The following CDKN2B-AS1 variants were observed in gnomAD, a reference collection of about 807,000 sequenced individuals.
CDKN2B-AS1 encodes CDKN2B and CDKN2A antisense cis and trans regulatory RNA 1.
intron 1 of CDKN2B-AS1, among the ~76,000 whole-genome samples, chr9:22,013,875 T>G (rs973488410): frequency 1.3e-5 from 2 of 152,196 alleles, no homozygotes; most frequent in Non-Finnish European, 2.9e-5. Context: ...GAATGCTTCT[T>G]TATAATGACA....
intron 1 of CDKN2B-AS1, among the ~76,000 whole-genome samples, chr9:22,011,784 C>T (rs1217793914): frequency 1.3e-5 from 2 of 152,174 alleles, no homozygotes; most frequent in African/African-American, 2.4e-5. Flanking sequence ...CTCCTTGAAA[C>T]CCAGCTGTCT....
intron 1 of CDKN2B-AS1, among the ~76,000 whole-genome samples, chr9:22,038,779 T>C (rs1822789424): frequency 6.6e-6 from 1 of 152,066 alleles, no homozygotes; most frequent in South Asian, 2.1e-4. Flanking sequence ...AAATCCATTA[T>C]TTGGTAAAGA....
chr9:22,028,976 G>A (rs1215566183), intron 1 of CDKN2B-AS1, among the ~76,000 whole-genome samples: 1 of 151,850 alleles, frequency 6.6e-6, no homozygotes, highest in African/African-American at 2.4e-5. Flanking sequence ...TTTTGAAAAT[G>A]AACTTGTTTC....
chr9:22,076,576 T>A (rs1824500923), intron 4 of CDKN2B-AS1, among the ~76,000 whole-genome samples: 1 of 152,146 alleles, frequency 6.6e-6, no homozygotes, highest in Non-Finnish European at 1.5e-5. Context: ...AATTAACATC[T>A]CCATCATCTC....
In CDKN2B-AS1 at chr9:22,012,523, C is replaced by T. The variant is rs1274382889; in HGVS notation, n.29+17362C>T. The T allele has an allele frequency of 6.8e-5, 43 of 636,534 alleles. No homozygotes were observed. The East Asian group carries it at 1.4e-3, about 21-fold the overall frequency. The allele number at this position is 636,534 out of a possible 1,614,324, so 39.4% of individuals were successfully genotyped here. A position where few individuals can be genotyped will look rare whatever the true frequency, so the allele number is the denominator to read the frequency against. On this transcript the variant is annotated intron_variant and non_coding_transcript_variant, in intron 1 of 4. Coordinates refer to ENST00000650946, the Ensembl canonical transcript of CDKN2B-AS1. ...GTGGCCACACCAACAACCTGCACCC[C>T]AAGAAGGTCAAATAAGGCTCTTCCT...
At chr9:22,060,196 C>G (rs1031413109) in intron 4 of CDKN2B-AS1, among the ~76,000 whole-genome samples, 4 of 152,204 alleles carry the variant, frequency 2.6e-5, no homozygotes, top group African/African-American at 9.6e-5. Flanking sequence ...CATAGTCAGG[C>G]TGCAAATTTT....
intron 1 of CDKN2B-AS1, among the ~76,000 whole-genome samples, chr9:22,013,037 T>C (rs545414085): frequency 6.6e-6 from 1 of 152,342 alleles, no homozygotes; most frequent in African/African-American, 2.4e-5. Context: ...CTGAGGCTTC[T>C]CTTCTTGACT....
At chr9:22,073,369 A>G (rs1824372118) in intron 4 of CDKN2B-AS1, among the ~76,000 whole-genome samples, 1 of 152,168 alleles carries the variant, frequency 6.6e-6, no homozygotes, top group Non-Finnish European at 1.5e-5. Flanking sequence ...AATATTTCTA[A>G]AAGCACTGTG....
chr9:22,051,566 C>A (rs1823347744), intron 3 of CDKN2B-AS1, among the ~76,000 whole-genome samples: 2 of 152,114 alleles, frequency 1.3e-5, no homozygotes, highest in Non-Finnish European at 2.9e-5. Flanking sequence ...TACAATGTTT[C>A]TTAAAACTAA....
In CDKN2B-AS1 at chr9:22,005,112, ATGTGTGTGTGTG is replaced by A. The variant is rs3028393; in HGVS notation, n.29+9970_29+9981del. 2.5e-4 allele frequency: 56 copies of A among 225,486 alleles called. No homozygotes were observed. The Middle Eastern group carries it at 7.8e-3, about 31-fold the overall frequency. The allele number at this position is 225,486 out of a possible 1,614,324, so 14.0% of individuals were successfully genotyped here. A position where few individuals can be genotyped will look rare whatever the true frequency, so the allele number is the denominator to read the frequency against. ...CATAAGGGGATTTCCGCATCCTAGC[ATGTGTGTGTGTG>A]TGTGTGTGTGTGTGTGTGAAAGAAA... On this transcript the variant is annotated intron_variant and non_coding_transcript_variant, in intron 1 of 4. Coordinates refer to ENST00000650946, the Ensembl canonical transcript of CDKN2B-AS1. This position sits in a 1 kb window ranked among gnomAD's most constrained non-coding sequence, Gnocchi z 4.9.
chr9:22,061,645 G>A (rs528030277), intron 4 of CDKN2B-AS1, among the ~76,000 whole-genome samples: 39 of 152,164 alleles, frequency 2.6e-4, no homozygotes, highest in African/African-American at 9.4e-4. Flanking sequence ...TTTGGAAACA[G>A]GAATTAATAC....
chr9:22,017,720 G>T (rs1428553787), intron 1 of CDKN2B-AS1, among the ~76,000 whole-genome samples: 2 of 151,600 alleles, frequency 1.3e-5, no homozygotes, highest in Non-Finnish European at 2.9e-5. Context: ...AATGAATTCT[G>T]CCAAGGTATT....
chr9:22,063,345 T>C (rs544163022), intron 4 of CDKN2B-AS1, among the ~76,000 whole-genome samples: 2 of 152,250 alleles, frequency 1.3e-5, no homozygotes, highest in South Asian at 4.1e-4. Flanking sequence ...AGACACCAAT[T>C]TTTTAATGAA....
chr9:22,075,439 T>C (rs1194394021), intron 4 of CDKN2B-AS1, among the ~76,000 whole-genome samples: 1 of 152,170 alleles, frequency 6.6e-6, no homozygotes, highest in Non-Finnish European at 1.5e-5. Context: ...GATTGGGATG[T>C]AGGAAGGTTT....
At chr9:22,027,855 T>C (rs1822305100) in intron 1 of CDKN2B-AS1, among the ~76,000 whole-genome samples, 1 of 152,004 alleles carries the variant, frequency 6.6e-6, no homozygotes, top group Non-Finnish European at 1.5e-5. Context: ...TGAAATAAAT[T>C]GAAAAAGAAA....
intron 4 of CDKN2B-AS1, among the ~76,000 whole-genome samples, chr9:22,057,531 A>C (rs77728904): frequency 0.076 from 11,558 of 152,270 alleles, 439 homozygotes; most frequent in Middle Eastern, 0.12. Context: ...AGTATTGGCC[A>C]GGTGTGGTGG....
At chr9:22,092,116 G>T (rs890312811) in intron 4 of CDKN2B-AS1, among the ~76,000 whole-genome samples, 11 of 152,078 alleles carry the variant, frequency 7.2e-5, no homozygotes, top group Non-Finnish European at 1.6e-4. Flanking sequence ...TTATATGCTG[G>T]ATTATGTTTA....
chr9:22,089,685 A>G (rs1587515379), intron 4 of CDKN2B-AS1, among the ~76,000 whole-genome samples: 1 of 152,002 alleles, frequency 6.6e-6, no homozygotes, highest in South Asian at 2.1e-4. Context: ...CCTGGGCTCA[A>G]GTGATCCTCC....
At chr9:22,084,161 C>A (rs1734488049) in intron 4 of CDKN2B-AS1, among the ~76,000 whole-genome samples, 1 of 152,106 alleles carries the variant, frequency 6.6e-6, no homozygotes, top group Non-Finnish European at 1.5e-5. Context: ...GAGATTTAGG[C>A]AGGTTATGTA....
Sources: allele counts gnomAD v4.1 joint callset (sites outside exome capture counted in the v4.1 genomes callset), GRCh38; gene constraint gnomAD v4.1.1; non-coding constraint Gnocchi (gnomAD v3.1); transcripts MANE v1.5; gene names NCBI Gene and HGNC (gene_info 2026-07-23, HGNC 2026-07-21).